GRIK2: variants seen among roughly 807,000 people sequenced by gnomAD.
The protein encoded by GRIK2 is glutamate receptor ionotropic, kainate 2.
A neutral mutation model predicts 100.3 loss-of-function variants in GRIK2; 32 were observed. The observed-to-expected ratio is 0.32, with a 90% CI of 0.24 to 0.43. The LOEUF (loss-of-function observed/expected upper bound fraction) is 0.43, where lower values mean the gene tolerates loss of function less well. GRIK2 is among the 20% of genes least tolerant of loss of function. The probability of loss-of-function intolerance (pLI) is 1.00; values close to 1 mark genes in which losing one functional copy is unlikely to be tolerated. For synonymous variants in GRIK2, 417 were observed against 389.4 expected, an observed-to-expected ratio of 1.07 and a Z score of -0.83; for missense variants, 843 against 1,114.9, an observed-to-expected ratio of 0.76 and a Z score of 3.47.
chr6:101,557,343 T>G (rs760077237), intron 2 of GRIK2, among the ~76,000 whole-genome samples: 38 of 152,212 alleles, frequency 2.5e-4, no homozygotes, highest in Non-Finnish European at 4.4e-5. Context: ...AAGATTTATA[T>G]GGTTTTGTTG....
At chr6:101,737,229 A>G (rs1217653631) in intron 7 of GRIK2, among the ~76,000 whole-genome samples, 1 of 152,102 alleles carries the variant, frequency 6.6e-6, no homozygotes, top group Non-Finnish European at 1.5e-5. Context: ...TCTGTCTGTT[A>G]CCAAGTTCCA....
intron 7 of GRIK2, among the ~76,000 whole-genome samples, chr6:101,746,871 G>A (rs1386828862): frequency 6.6e-6 from 1 of 152,066 alleles, no homozygotes; most frequent in African/African-American, 2.4e-5. Flanking sequence ...AGTTATGGGA[G>A]GACAAAGGTA....
intron 2 of GRIK2, among the ~76,000 whole-genome samples, chr6:101,518,766 C>T (rs1157661816): frequency 1.3e-5 from 2 of 152,124 alleles, no homozygotes; most frequent in African/African-American, 4.8e-5. Context: ...AGTTACTTGA[C>T]TAAGCAATTT....
Position 102,038,523 on chromosome 6 carries a change from C to T in GRIK2, c.2311+2957C>T, listed in dbSNP as rs1354403953. ...TCATTGTTTCAGCCACTATCATAATCTGCATTTCTCAACTGGGAAATTAGC... is the reference window on the plus strand; with the variant it reads ...TCATTGTTTCAGCCACTATCATAATTTGCATTTCTCAACTGGGAAATTAGC... On this transcript the variant is annotated intron_variant, in intron 15 of 16. Transcript: ENST00000369134. Among the ~76,000 whole-genome samples, 4 of 151,522 alleles carry T rather than the reference C, an allele frequency of 2.6e-5. No individual in the cohort carries two copies. The East Asian group carries it at 5.9e-4, about 22-fold the overall frequency.
chr6:101,729,424 A>T (rs764899992), intron 7 of GRIK2, among the ~76,000 whole-genome samples: 15 of 151,956 alleles, frequency 9.9e-5, no homozygotes, highest in African/African-American at 1.7e-4. Flanking sequence ...CCATCATTGC[A>T]ACTCCTTGGC....
At chr6:101,583,845 T>A (rs1241297461) in intron 2 of GRIK2, among the ~76,000 whole-genome samples, 1 of 152,146 alleles carries the variant, frequency 6.6e-6, no homozygotes, top group Admixed American at 6.6e-5. Context: ...AGATGGGAAT[T>A]TAATTGCTCT....
intron 14 of GRIK2, among the ~76,000 whole-genome samples, chr6:101,958,411 T>C (rs1792081311): frequency 6.6e-6 from 1 of 152,026 alleles, no homozygotes; most frequent in Admixed American, 6.6e-5. Flanking sequence ...GTTTAACAAA[T>C]CTAGAAGTCT....
chr6:101,579,315 C>T (rs1459288563), intron 2 of GRIK2, among the ~76,000 whole-genome samples: 1 of 151,978 alleles, frequency 6.6e-6, no homozygotes, highest in Non-Finnish European at 1.5e-5. Flanking sequence ...TTCATAATAC[C>T]ATAATAACTT....
intron 14 of GRIK2, among the ~76,000 whole-genome samples, chr6:101,968,144 A>T (rs1026431634): frequency 2.0e-5 from 3 of 152,078 alleles, no homozygotes; most frequent in Admixed American, 6.6e-5. Flanking sequence ...GTTAAAAAAA[A>T]ACCATGCATC....
At chr6:101,722,201 G>A (rs1184281085) in intron 7 of GRIK2, among the ~76,000 whole-genome samples, 1 of 151,904 alleles carries the variant, frequency 6.6e-6, no homozygotes, top group African/African-American at 2.4e-5. Context: ...ATTATGGTAT[G>A]AAGAGATTAG....
At chr6:101,845,028 T>TGTC (rs1399040469) in intron 10 of GRIK2, among the ~76,000 whole-genome samples, 27 of 151,900 alleles carry the variant, frequency 1.8e-4, no homozygotes, top group East Asian at 1.6e-3. Flanking sequence ...TTGTTGTTGT[T>TGTC]GTCGTTTTGA....
chr6:101,720,256 C>T (rs910032744), intron 7 of GRIK2, among the ~76,000 whole-genome samples: 5 of 151,986 alleles, frequency 3.3e-5, no homozygotes, highest in Admixed American at 6.6e-5. Context: ...TGTGTTTGTC[C>T]GTTCAAACTG....
At chr6:101,724,178 T>G (rs1195736734) in intron 7 of GRIK2, among the ~76,000 whole-genome samples, 3 of 130,138 alleles carry the variant, frequency 2.3e-5, no homozygotes, top group East Asian at 5.3e-4. Context: ...AGGTATAGTC[T>G]TTATAAAAAA....
At chr6:101,400,127 A>T (rs1264385380) in intron 2 of GRIK2, among the ~76,000 whole-genome samples, 1 of 140,674 alleles carries the variant, frequency 7.1e-6, no homozygotes, top group Non-Finnish European at 1.6e-5. Flanking sequence ...TTAATGAAGG[A>T]TAGTATCTGG....
chr6:101,811,873 G>A (rs1256179782), intron 9 of GRIK2, among the ~76,000 whole-genome samples: 1 of 151,286 alleles, frequency 6.6e-6, no homozygotes, highest in East Asian at 1.9e-4. Context: ...TAATTAATAA[G>A]ATAAATAATT....
intron 2 of GRIK2, among the ~76,000 whole-genome samples, chr6:101,448,126 C>T (rs1323401551): frequency 6.6e-6 from 1 of 151,658 alleles, no homozygotes; most frequent in Non-Finnish European, 1.5e-5. Context: ...TAGAGTTAGT[C>T]TACCTAACAC....
chr6:101,787,242 T>A, intron 7 of GRIK2, among the ~76,000 whole-genome samples: 1 of 141,906 alleles, frequency 7.0e-6, no homozygotes, highest in East Asian at 1.9e-4. Context: ...AGTTTGTCAA[T>A]TTTTTTTAAA....
intron 15 of GRIK2, among the ~76,000 whole-genome samples, chr6:102,040,929 CA>C (rs1171280156): frequency 7.9e-5 from 12 of 151,548 alleles, no homozygotes; most frequent in African/African-American, 2.9e-4. Context: ...TTTCCCTTTG[CA>C]TAAGCAGCAC....
intron 2 of GRIK2, among the ~76,000 whole-genome samples, chr6:101,580,340 A>C (rs1292674490): frequency 6.6e-6 from 1 of 152,130 alleles, no homozygotes; most frequent in Non-Finnish European, 1.5e-5. Context: ...TACAGGCCAG[A>C]AACATTTGAA....
Sources: gnomAD v4.1 joint callset for allele counts (sites outside exome capture counted in the v4.1 genomes callset) on GRCh38, gnomAD v4.1.1 for gene constraint, MANE v1.5 for transcripts, NCBI Gene and HGNC (gene_info 2026-07-23, HGNC 2026-07-21) for gene names.